CCDC88C: variants seen among roughly 807,000 people sequenced by gnomAD.
The protein encoded by CCDC88C is coiled-coil and HOOK domain protein 88C.
In CCDC88C, 131 loss-of-function variants were observed where a neutral mutation model predicts 198.8. The observed-to-expected ratio is 0.66, with a 90% CI of 0.57 to 0.76. The LOEUF (loss-of-function observed/expected upper bound fraction) is 0.76. CCDC88C is among the 30% of genes least tolerant of loss of function. The pLI is 0.00. For missense variants in CCDC88C, 2,553 were observed against 2,631.6 expected (o/e 0.97, Z 0.65); for synonymous variants, 1,166 against 1,114.7 (o/e 1.05, Z -0.92).
chr14:91,313,307 GC>G lies in CCDC88C; in HGVS notation c.2508del (p.Leu837TrpfsTer50). On this transcript the variant is annotated frameshift_variant, in exon 15 of 30. Coordinates refer to ENST00000389857, the MANE Select transcript of CCDC88C (RefSeq NM_001080414.4). LOFTEE classifies it high-confidence loss of function. This position sits in a 1 kb window ranked among gnomAD's most constrained non-coding sequence, Gnocchi z 5.2. The stretch of plus-strand genomic sequence containing the variant: ...CACAGCCGCTTGGCCTCCTTCTCCA[GC>G]AGCTTCTTATCCTTCTCGAGCTGGG... ...EVAQLEKDKK[L>X]LEKEAKRLWQ... 6.2e-7 allele frequency: 1 copy of G among 1,613,836 alleles called. No individual in the cohort carries two copies. The highest frequency in any genetic ancestry group is 8.5e-7 in the Non-Finnish European group (1 of 1,179,896).
chr14:91,302,036 A>C (rs1891318860), intron 20 of CCDC88C, among the ~76,000 whole-genome samples: 2 of 152,216 alleles, frequency 1.3e-5, no homozygotes, highest in Admixed American at 6.5e-5. Context: ...ACAGCCCCTG[A>C]AGGATGGAGA....
chr14:91,388,731 T>C (rs1292772507), intron 3 of CCDC88C, among the ~76,000 whole-genome samples: 1 of 152,148 alleles, frequency 6.6e-6, no homozygotes, highest in East Asian at 1.9e-4. Flanking sequence ...CAGACTGAGA[T>C]CCGCTCTAAC....
chr14:91,386,632 T>C (rs1885165803), intron 3 of CCDC88C, among the ~76,000 whole-genome samples: 1 of 152,192 alleles, frequency 6.6e-6, no homozygotes. Flanking sequence ...CTCGGGCCAA[T>C]CTGTGTGTTT....
At position 91,273,138 on chromosome 14, in the gene CCDC88C, C is replaced by T; in HGVS notation, c.5574G>A (p.Arg1858=). 6.3e-7 allele frequency: 1 copy of T among 1,578,380 alleles called. No individual in the cohort carries two copies. The highest frequency in any genetic ancestry group is 1.3e-5 in the African/African-American group (1 of 74,370). The stretch of plus-strand genomic sequence containing the variant: ...CCTTTCCCACAAGTGGGGTCCGCTC[C>T]CGGGCCAGGCTATGGGAGCTGGGGG... ...PAPPSSHSLA[R]ERTPLVGKAG... The change falls in exon 30 of 30, where the codon CGG becomes CGA. Residue 1858 remains arginine, a synonymous_variant. Transcript: ENST00000389857. The surrounding 1 kb of genome is among the most constrained non-coding windows in gnomAD (Gnocchi z 5.6).
In CCDC88C at chr14:91,288,268, A is replaced by T. The variant is rs559070120; in HGVS notation, c.4441+837T>A. On this transcript the variant is annotated intron_variant, in intron 25 of 29. Coordinates refer to ENST00000389857, the MANE Select transcript of CCDC88C (RefSeq NM_001080414.4). This position sits in a 1 kb window ranked among gnomAD's most constrained non-coding sequence, Gnocchi z 4.2. The stretch of plus-strand genomic sequence containing the variant: ...TGATGAGAAATCCTGTTCTTGTTTC[A>T]GAACCTCTGGCAAACTCCAAAGGAC... 5.9e-5 allele frequency among the ~76,000 whole-genome samples: 9 copies of T among 152,358 alleles called. No homozygotes were observed. In the South Asian group the frequency reaches 1.9e-3, roughly 32 times the overall value.
At chr14:91,410,276 C>G (rs1196920089) in intron 2 of CCDC88C, among the ~76,000 whole-genome samples, 1 of 152,162 alleles carries the variant, frequency 6.6e-6, no homozygotes, top group Non-Finnish European at 1.5e-5. Flanking sequence ...CAAGACACCG[C>G]AAAGGATGGC....
chr14:91,416,597 T>A (rs1753356601), intron 2 of CCDC88C, 141 bp downstream of exon 2: 1 of 693,816 alleles, frequency 1.4e-6, no homozygotes, highest in Admixed American at 2.1e-5. Flanking sequence ...GGCACGTTAA[T>A]ACTGAGATAC....
rs368105074 is a variant in CCDC88C at position 91,408,738 on chromosome 14, T to C, written c.191A>G (p.Asn64Ser). 1.2e-5 allele frequency: 19 copies of C among 1,613,824 alleles called. No homozygotes were observed. The highest frequency in any genetic ancestry group is 1.1e-4 in the African/African-American group (8 of 75,062). Residue 64 changes from asparagine to serine, a missense_variant, in exon 3 of 30, where the codon AAT becomes AGT. By Grantham distance (46) the Asn-to-Ser change is conservative. Coordinates refer to ENST00000389857, the MANE Select transcript of CCDC88C (RefSeq NM_001080414.4). ...IDPRPTNQRI[N>S]KHVNNDVNLR... ...GTTCACATCATTGTTGACGTGCTTA[T>C]TGATGCGTTGATTTGTGGGCCTGGG...
intron 13 of CCDC88C, among the ~76,000 whole-genome samples, chr14:91,319,671 T>C (rs1056593925): frequency 1.3e-5 from 2 of 152,224 alleles, no homozygotes; most frequent in Non-Finnish European, 2.9e-5. Context: ...GAGTGCTTAC[T>C]ATGTGCCGAA....
intron 12 of CCDC88C, among the ~76,000 whole-genome samples, chr14:91,322,382 GA>G (rs1892392610): frequency 6.6e-6 from 1 of 152,182 alleles, no homozygotes; most frequent in Admixed American, 6.5e-5. Context: ...CAACAGGCCA[GA>G]ACGCCCTAAA....
At chr14:91,285,697 G>C in intron 25 of CCDC88C, 2 of 1,289,004 alleles carry the variant, frequency 1.6e-6, no homozygotes, top group South Asian at 2.5e-5. Flanking sequence ...CGGAGAAAGA[G>C]AGAGGCTCGT....
intron 2 of CCDC88C, among the ~76,000 whole-genome samples, chr14:91,415,671 G>A (rs1226734535): frequency 6.6e-6 from 1 of 150,896 alleles, no homozygotes; most frequent in African/African-American, 2.4e-5. Context: ...GGTGAGCTGA[G>A]ATCACGCCAT....
At chr14:91,296,039 G>A (rs894522617) in intron 22 of CCDC88C, among the ~76,000 whole-genome samples, 9 of 152,202 alleles carry the variant, frequency 5.9e-5, no homozygotes, top group Admixed American at 3.3e-4. Context: ...GATCATGGAC[G>A]TCCAGCCTCC....
In CCDC88C at chr14:91,272,479, T is replaced by C; in HGVS notation, c.*146A>G. 1 of 817,714 alleles carries C rather than the reference T, an allele frequency of 1.2e-6. No individual in the cohort carries two copies. The highest frequency in any genetic ancestry group is 2.6e-5 in the East Asian group (1 of 38,560). The allele number at this position is 817,714 out of a possible 1,614,324, so 50.7% of individuals were successfully genotyped here. On this transcript the variant is annotated 3_prime_UTR_variant, in exon 30 of 30. Coordinates refer to ENST00000389857, the MANE Select transcript of CCDC88C (RefSeq NM_001080414.4). The stretch of plus-strand genomic sequence containing the variant: ...TTGGGGCTTGGCACAGTGTTTCCAT[T>C]CACAGAACAAACAGCAGAAATGCGT...
In CCDC88C at chr14:91,315,795, A is replaced by G; in HGVS notation, c.1528-8T>C. 1.2e-6 allele frequency: 2 copies of G among 1,610,118 alleles called. No individual in the cohort carries two copies. Among genetic ancestry groups the G allele is most frequent in the Non-Finnish European group, 1.7e-6 (2 of 1,177,900 alleles). On this transcript the variant is annotated splice_polypyrimidine_tract_variant and splice_region_variant and intron_variant, in intron 13 of 29. Transcript: ENST00000389857. ...GGTTTGTAACTTTTCAATCTGCAGA[A>G]CCAAAAGACCCAGCCCAGTGCAGAC...
intron 27 of CCDC88C, chr14:91,281,227 T>A (rs1890183550): frequency 8.8e-7 from 1 of 1,137,236 alleles, no homozygotes; most frequent in African/African-American, 1.5e-5. Flanking sequence ...GAGAGGTCGG[T>A]GCTTCCAGAA....
Position 91,324,901 on chromosome 14 carries a change from C to T in CCDC88C, c.1220G>A (p.Arg407Gln), listed in dbSNP as rs755165083. The T allele has an allele frequency of 1.9e-6, 3 of 1,613,646 alleles. No homozygotes were observed. The highest frequency in any genetic ancestry group is 1.3e-5 in the African/African-American group (1 of 74,918). The change falls in exon 12 of 30, where the codon CGA becomes CAA. Residue 407 changes from arginine (R) to glutamine (Q), a missense_variant. Physicochemically the swap from Arg to Gln is conservative, Grantham distance 43 (BLOSUM62 1). This residue lies in a region of CCDC88C where 1,260 missense variants were observed against 1,412.0 expected (regional missense o/e 0.89). Coordinates refer to ENST00000389857, the MANE Select transcript of CCDC88C (RefSeq NM_001080414.4). ...LELDRDTDKK[R>Q]IEELLEENMV... Reference sequence around the variant, plus strand: ...GTTTTCTTCCAGCAGCTCCTCAATTCGTTTCTTATCTGTGTCCCGGTCCTG... The same window carrying T: ...GTTTTCTTCCAGCAGCTCCTCAATTTGTTTCTTATCTGTGTCCCGGTCCTG...
chr14:91,384,757 C>T (rs758667557), intron 3 of CCDC88C, among the ~76,000 whole-genome samples: 12 of 152,144 alleles, frequency 7.9e-5, no homozygotes, highest in Non-Finnish European at 1.6e-4. Flanking sequence ...CAATGTGCTG[C>T]GAACAAGCCC....
intron 26 of CCDC88C, 117 bp downstream of exon 26, chr14:91,283,212 T>C: frequency 1.9e-6 from 2 of 1,049,552 alleles, no homozygotes; most frequent in Non-Finnish European, 2.8e-6. Context: ...CTCACCCCTC[T>C]ACTCACCACC....
Sources: allele counts gnomAD v4.1 joint callset (sites outside exome capture counted in the v4.1 genomes callset), GRCh38; gene constraint gnomAD v4.1.1; regional missense constraint gnomAD v4.1.1; non-coding constraint Gnocchi (gnomAD v3.1); transcripts MANE v1.5; gene names NCBI Gene and HGNC (gene_info 2026-07-23, HGNC 2026-07-21).